SNX24: variants seen among roughly 807,000 people sequenced by gnomAD.
SNX24 encodes the protein sorting nexin 24.
SNX24 carries 22 observed loss-of-function variants against 28.7 expected under a neutral mutation model. The observed-to-expected ratio is 0.77, with a 90% CI of 0.55 to 1.10. The LOEUF is 1.10. Ranked by LOEUF, SNX24 falls within the 50% of genes least tolerant of loss-of-function variation. SNX24 has a pLI of 0.00. For synonymous variants in SNX24, 69 were observed against 71.5 expected, an observed-to-expected ratio of 0.96 and a Z score of 0.18; for missense variants, 221 against 201.1, an observed-to-expected ratio of 1.10 and a Z score of -0.60.
chr5:122,882,731 C>A (rs950535215), intron 1 of SNX24, among the ~76,000 whole-genome samples: 2 of 152,178 alleles, frequency 1.3e-5, no homozygotes, highest in South Asian at 4.1e-4. Context: ...CTGTTTTTTC[C>A]TCCTTTCCTT....
At chr5:122,902,876 AC>A (rs1757499404) in intron 1 of SNX24, among the ~76,000 whole-genome samples, 1 of 152,120 alleles carries the variant, frequency 6.6e-6, no homozygotes, top group Non-Finnish European at 1.5e-5. Flanking sequence ...CCCAGACTCA[AC>A]TGAGTTTCAA....
At chr5:122,910,237 T>G (rs1288445209) in intron 1 of SNX24, among the ~76,000 whole-genome samples, 1 of 152,176 alleles carries the variant, frequency 6.6e-6, no homozygotes, top group African/African-American at 2.4e-5. Flanking sequence ...CAGGACGTCT[T>G]GAGACCTCAG....
intron 3 of SNX24, among the ~76,000 whole-genome samples, chr5:122,966,843 A>C (rs1581808516): frequency 6.6e-6 from 1 of 152,336 alleles, no homozygotes; most frequent in East Asian, 1.9e-4. Context: ...CAGGCATACA[A>C]TAAAGAGTAG....
At chr5:122,853,667 C>T (rs938957479) in intron 1 of SNX24, 17 of 370,178 alleles carry the variant, frequency 4.6e-5, no homozygotes, top group African/African-American at 8.5e-5. Flanking sequence ...AAATTTTTTT[C>T]GTACAGGTGA....
intron 1 of SNX24, among the ~76,000 whole-genome samples, chr5:122,852,074 A>ATG (rs925634940): frequency 4.6e-4 from 70 of 151,292 alleles, no homozygotes; most frequent in Non-Finnish European, 7.7e-4. Flanking sequence ...TATTTTATAT[A>ATG]TGTGTGTGTG....
chr5:122,873,921 A>G (rs548057208), intron 1 of SNX24, among the ~76,000 whole-genome samples: 103 of 152,112 alleles, frequency 6.8e-4, no homozygotes, highest in Middle Eastern at 3.4e-3. Context: ...ACCGGCCACC[A>G]CGTCTGGCTA....
At chr5:122,879,388 A>T (rs1471959658) in intron 1 of SNX24, among the ~76,000 whole-genome samples, 1 of 152,202 alleles carries the variant, frequency 6.6e-6, no homozygotes, top group Middle Eastern at 3.2e-3. Flanking sequence ...CCCTGTCGAG[A>T]ATACAGTCTC....
At chr5:122,960,571 G>A (rs561450013) in intron 3 of SNX24, among the ~76,000 whole-genome samples, 2 of 151,976 alleles carry the variant, frequency 1.3e-5, no homozygotes, top group East Asian at 3.9e-4. Flanking sequence ...TCTTTAAATA[G>A]TGCTAGCAGT....
chr5:122,990,957 C>T (rs1448981312), intron 3 of SNX24, among the ~76,000 whole-genome samples: 1 of 152,042 alleles, frequency 6.6e-6, no homozygotes, highest in Non-Finnish European at 1.5e-5. Context: ...AGTGCAGTGG[C>T]CCTATCTTGG....
chr5:122,957,624 A>G (rs985531227), intron 3 of SNX24, among the ~76,000 whole-genome samples: 5 of 152,210 alleles, frequency 3.3e-5, no homozygotes, highest in African/African-American at 1.2e-4. Flanking sequence ...TAATAGTGAC[A>G]TCTTAACAAT....
intron 3 of SNX24, among the ~76,000 whole-genome samples, chr5:122,951,192 G>A (rs1258196644): frequency 6.6e-6 from 1 of 150,404 alleles, no homozygotes; most frequent in Non-Finnish European, 1.5e-5. Flanking sequence ...GCGTGAACCC[G>A]GGAGATGGAA....
intron 3 of SNX24, chr5:122,948,787 T>C (rs1759806319): frequency 6.6e-6 from 1 of 152,222 alleles, no homozygotes; most frequent in South Asian, 2.1e-4. Flanking sequence ...GAATGGAATT[T>C]TAGTTTCCTA....
At chr5:122,897,253 A>AT (rs954688529) in intron 1 of SNX24, among the ~76,000 whole-genome samples, 3 of 151,958 alleles carry the variant, frequency 2.0e-5, no homozygotes, top group Non-Finnish European at 2.9e-5. Flanking sequence ...AATTATGGCA[A>AT]TTTTTTTTAA....
At chr5:122,894,785 A>G (rs1203641469) in intron 1 of SNX24, among the ~76,000 whole-genome samples, 1 of 152,240 alleles carries the variant, frequency 6.6e-6, no homozygotes, top group Non-Finnish European at 1.5e-5. Context: ...AGGTAAGTAT[A>G]ATCTGGATGC....
rs569808452 is a variant in SNX24, at chr5:122,966,393, G to A, written c.249+20234G>A. Among the ~76,000 whole-genome samples the A allele has an allele frequency of 9.8e-5, 15 of 152,338 alleles. No individual in the cohort carries two copies. In the South Asian group the frequency reaches 3.1e-3, roughly 32 times the overall value. On this transcript the variant is annotated intron_variant, in intron 3 of 6. Coordinates refer to ENST00000261369, the MANE Select transcript of SNX24 (RefSeq NM_014035.4). Reference sequence around the variant, plus strand: ...AACTTTTTCTGTGAAAGATTCGATAGTAAATATTTTAGGCCATGTGAGCCA... The same window carrying A: ...AACTTTTTCTGTGAAAGATTCGATAATAAATATTTTAGGCCATGTGAGCCA...
chr5:122,912,212 A>G lies in SNX24; in HGVS notation c.61-24522A>G, dbSNP rs1347418259. 4.5e-5 allele frequency among the ~76,000 whole-genome samples: 6 copies of G among 134,736 alleles called. 1 individual carries two copies. The Admixed American group carries it at 4.6e-4, about 10-fold the overall frequency. 88.4% of individuals were successfully genotyped at this position (134,736 alleles called of 152,430 possible). On this transcript the variant is annotated intron_variant, in intron 1 of 6. Coordinates refer to ENST00000261369, the MANE Select transcript of SNX24 (RefSeq NM_014035.4). ...TCCCTTGTAAGTTGGATTCCTAGGT[A>G]TTTTATTCTCTTTGAAGCAATTGTG...
chr5:122,989,041 C>G (rs933876939), intron 3 of SNX24, among the ~76,000 whole-genome samples: 3 of 151,928 alleles, frequency 2.0e-5, no homozygotes, highest in Non-Finnish European at 4.4e-5. Context: ...ATTTCTTTTT[C>G]TTTTCTCTTT....
At position 122,845,655 on chromosome 5, in the gene SNX24, T is replaced by C; in HGVS notation, c.22T>C (p.Phe8Leu). The change falls in exon 1 of 7, where the codon TTT becomes CTT. Residue 8 changes from phenylalanine (F) to leucine (L), a missense_variant. By Grantham distance (22) the Phe-to-Leu change is conservative. Transcript: ENST00000261369. Reference sequence around the variant, plus strand: ...GGCCATGGAGGTCTACATCCCGTCCTTTCGCTATGAAGAGAGCGACCTGGA... The same window carrying C: ...GGCCATGGAGGTCTACATCCCGTCCCTTCGCTATGAAGAGAGCGACCTGGA... MEVYIPS[F>L]RYEESDLERG... 7.0e-7 allele frequency: 1 copy of C among 1,432,800 alleles called. No individual in the cohort carries two copies. Among genetic ancestry groups the C allele is most frequent in the Non-Finnish European group, 9.2e-7 (1 of 1,083,858 alleles). 88.8% of individuals were successfully genotyped at this position (1,432,800 alleles called of 1,614,324 possible).
chr5:123,011,253 T>C (rs1276102906), downstream of SNX24, among the ~76,000 whole-genome samples: 2 of 152,146 alleles, frequency 1.3e-5, no homozygotes, highest in South Asian at 2.1e-4. Context: ...TGTGGGGACA[T>C]CATTTGTCCT....
Sources: gnomAD v4.1 joint callset for allele counts (sites outside exome capture counted in the v4.1 genomes callset) on GRCh38, gnomAD v4.1.1 for gene constraint, MANE v1.5 for transcripts, NCBI Gene and HGNC (gene_info 2026-07-23, HGNC 2026-07-21) for gene names.